The following POM121C variants were observed in gnomAD, a reference collection of about 807,000 sequenced individuals.
POM121C encodes the protein nuclear envelope pore membrane protein POM 121C.
POM121C carries 20 observed loss-of-function variants against 66.4 expected under a neutral mutation model. That is an observed-to-expected ratio of 0.30 (90% CI 0.21 to 0.44). The LOEUF (loss-of-function observed/expected upper bound fraction) is 0.44. Ranked by LOEUF, POM121C falls within the 20% of genes least tolerant of loss-of-function variation. The pLI is 1.00. For missense variants in POM121C, 580 were observed against 1,225.7 expected (o/e 0.47, Z 7.87); for synonymous variants, 286 against 528.0 (o/e 0.54, Z 6.28).
At chr7:75,454,051 T>C (rs1791119429) in intron 3 of POM121C, among the ~76,000 whole-genome samples, 1 of 152,240 alleles carries the variant, frequency 6.6e-6, no homozygotes, top group African/African-American at 2.4e-5. Context: ...ATAGCGTCGC[T>C]TCTGTCCTAC....
intron 3 of POM121C, among the ~76,000 whole-genome samples, chr7:75,446,735 C>T (rs149689729): frequency 0.12 from 18,682 of 151,802 alleles, 2,041 homozygotes; most frequent in African/African-American, 0.3. Context: ...ATTGGCTGGG[C>T]GCGGTGGCTC....
chr7:75,486,162 C>G lies in POM121C; in HGVS notation c.-756G>C. The stretch of plus-strand genomic sequence containing the variant: ...CGGCCCGCGCGAACCCTGGGCCGCA[C>G]AGCTCCCGCCCGCCTAGGTGCTGGT... On this transcript the variant is annotated 5_prime_UTR_variant, in exon 1 of 15. Transcript: ENST00000615331. The G allele has an allele frequency of 3.1e-6, 1 of 318,710 alleles. No homozygotes were observed. The highest frequency in any genetic ancestry group is 4.5e-5 in the Admixed American group (1 of 21,988). 19.7% of individuals were successfully genotyped at this position (318,710 alleles called of 1,614,324 possible).
Position 75,442,450 on chromosome 7 carries a change from T to G in POM121C, c.-151-803A>C, listed in dbSNP as rs1554474201. 15 of 1,420,894 alleles carry G rather than the reference T, an allele frequency of 1.1e-5. No individual in the cohort carries two copies. The South Asian group carries it at 2.0e-4, about 19-fold the overall frequency. The allele number at this position is 1,420,894 out of a possible 1,614,324, so 88.0% of individuals were successfully genotyped here. A position where few individuals can be genotyped will look rare whatever the true frequency, so the allele number is the denominator to read the frequency against. ...TGGCCGGAGGCGAAGCGAACAGTGTTCGCCGATGTCGCGCCTTCTGAACGA... is the reference window on the plus strand; with the variant it reads ...TGGCCGGAGGCGAAGCGAACAGTGTGCGCCGATGTCGCGCCTTCTGAACGA... On this transcript the variant is annotated intron_variant, in intron 3 of 14. Coordinates refer to ENST00000615331, the MANE Select transcript of POM121C (RefSeq NM_001099415.3).
intron 7 of POM121C, among the ~76,000 whole-genome samples, chr7:75,428,951 GA>G (rs34134180): frequency 0.23 from 28,039 of 124,258 alleles, 2,775 homozygotes; most frequent in Non-Finnish European, 0.28. Flanking sequence ...TCTCTTCAAG[GA>G]AAAAAAAAAA....
At chr7:75,482,819 C>CG (rs1554480324) in intron 1 of POM121C, among the ~76,000 whole-genome samples, 8 of 152,080 alleles carry the variant, frequency 5.3e-5, no homozygotes, top group Non-Finnish European at 2.9e-5. Context: ...TTGGAAGTAA[C>CG]GGATGTCAAA....
At chr7:75,484,771 C>CT (rs1792453103) in intron 1 of POM121C, among the ~76,000 whole-genome samples, 1 of 151,730 alleles carries the variant, frequency 6.6e-6, no homozygotes, top group Non-Finnish European at 1.5e-5. Flanking sequence ...AACATGACTC[C>CT]TTTTACAAAT....
rs1335332431 is a variant in POM121C at position 75,437,617 on chromosome 7, G to A, written c.378C>T (p.Ser126=). 1.1e-5 allele frequency: 17 copies of A among 1,613,866 alleles called. No individual in the cohort carries two copies. Among genetic ancestry groups the A allele is most frequent in the Middle Eastern group, 1.6e-4 (1 of 6,078 alleles). The part of the protein sequence containing the change: ...SDDHLNKRSR[S]SSMSSLTGAY... ...CGCCTGTCAAGGAGCTCATGGAAGA[G>A]CTTCGGGATCTCTTATTCAAGTGGT... Residue 126 remains serine (S), a synonymous_variant, in exon 7 of 15, where the codon AGC becomes AGT. Coordinates refer to ENST00000615331, the MANE Select transcript of POM121C (RefSeq NM_001099415.3).
intron 3 of POM121C, among the ~76,000 whole-genome samples, chr7:75,454,486 C>T (rs1302043091): frequency 6.6e-6 from 1 of 152,060 alleles, no homozygotes; most frequent in Non-Finnish European, 1.5e-5. Context: ...CTCTGGGTGG[C>T]GCTCTGTGCC....
At chr7:75,444,278 G>A in intron 3 of POM121C, among the ~76,000 whole-genome samples, 1 of 123,272 alleles carries the variant, frequency 8.1e-6, no homozygotes, top group South Asian at 3.2e-4. Context: ...GGCGGAGGGG[G>A]GACTGTGTTG....
Position 75,484,742 on chromosome 7 carries a change from GAGTT to G in POM121C, c.-458+1118_-458+1121del, listed in dbSNP as rs587638981. ...TAAGATAATCAGGTAGTAATTAGATGAGTTAGACTCTCATGGGTAACATGACTCC... is the reference window on the plus strand; with the variant it reads ...TAAGATAATCAGGTAGTAATTAGATGAGACTCTCATGGGTAACATGACTCC... On this transcript the variant is annotated intron_variant, in intron 1 of 14. Coordinates refer to ENST00000615331, the MANE Select transcript of POM121C (RefSeq NM_001099415.3). 8.9e-3 allele frequency among the ~76,000 whole-genome samples: 1,348 copies of G among 151,226 alleles called. 6 individuals are homozygous for G. The highest frequency in any genetic ancestry group is 0.024 in the Middle Eastern group (7 of 288).
chr7:75,483,338 C>T (rs1399621873), intron 1 of POM121C, among the ~76,000 whole-genome samples: 2 of 152,110 alleles, frequency 1.3e-5, no homozygotes, highest in African/African-American at 4.8e-5. Flanking sequence ...ACTGGTTTCT[C>T]CTTATAATCA....
chr7:75,473,212 TA>T, intron 3 of POM121C, among the ~76,000 whole-genome samples: 1 of 152,084 alleles, frequency 6.6e-6, no homozygotes, highest in Non-Finnish European at 1.5e-5. Flanking sequence ...TCAACTAGGT[TA>T]AAAGTGTCAG....
Position 75,418,869 on chromosome 7 carries a change from A to G in POM121C, c.2891T>C (p.Ile964Thr), listed in dbSNP as rs782496505. 4 of 1,611,566 alleles carry G rather than the reference A, an allele frequency of 2.5e-6. No individual in the cohort carries two copies. The highest frequency in any genetic ancestry group is 1.1e-5 in the South Asian group (1 of 90,962). ...PFGSAAPSFS[I>T]GAGSKTPGAR... Reference sequence around the variant, plus strand: ...CCCTGGGGTCTTGGATCCCGCACCAATGGAAAATGAAGGGGCCGCCGATCC... The same window carrying G: ...CCCTGGGGTCTTGGATCCCGCACCAGTGGAAAATGAAGGGGCCGCCGATCC... The change falls in exon 15 of 15, where the codon ATT (isoleucine) becomes ACT (threonine). Residue 964 changes from isoleucine (I) to threonine (T), a missense_variant. Ile to Thr is a moderately conservative substitution (Grantham distance 89). Transcript: ENST00000615331.
intron 7 of POM121C, among the ~76,000 whole-genome samples, chr7:75,433,065 C>G (rs1554472555): frequency 2.6e-5 from 4 of 151,666 alleles, no homozygotes. Context: ...GAAACCCTGT[C>G]TCTACTAAAA....
At chr7:75,433,194 C>T (rs1427013832) in intron 7 of POM121C, among the ~76,000 whole-genome samples, 2 of 132,528 alleles carry the variant, frequency 1.5e-5, no homozygotes, top group East Asian at 4.9e-4. Flanking sequence ...GAGATCGCAC[C>T]GCTGCACTCT....
intron 3 of POM121C, among the ~76,000 whole-genome samples, chr7:75,452,416 C>G (rs587635392): frequency 2.2e-4 from 33 of 152,314 alleles, no homozygotes; most frequent in African/African-American, 7.9e-4. Flanking sequence ...GAGCCGAGAT[C>G]GCGCCACTTG....
At chr7:75,472,333 T>G (rs1584711657) in intron 3 of POM121C, among the ~76,000 whole-genome samples, 1 of 151,442 alleles carries the variant, frequency 6.6e-6, no homozygotes, top group East Asian at 2.0e-4. Flanking sequence ...GCCAACAGAC[T>G]GAAACCCCGT....
chr7:75,428,428 A>G (rs1790044404), intron 7 of POM121C, among the ~76,000 whole-genome samples: 1 of 152,078 alleles, frequency 6.6e-6, no homozygotes, highest in Non-Finnish European at 1.5e-5. Flanking sequence ...GTGAGCCACC[A>G]CGCTTAGCCA....
At chr7:75,483,511 CT>C (rs1247414688) in intron 1 of POM121C, among the ~76,000 whole-genome samples, 4 of 152,182 alleles carry the variant, frequency 2.6e-5, no homozygotes, top group African/African-American at 9.7e-5. Context: ...TTCCTGAGGA[CT>C]CCTCAGCCAC....
Sources: allele counts gnomAD v4.1 joint callset (sites outside exome capture counted in the v4.1 genomes callset), GRCh38; gene constraint gnomAD v4.1.1; transcripts MANE v1.5; gene names NCBI Gene and HGNC (gene_info 2026-07-23, HGNC 2026-07-21).